Variants in GPR137C observed in about 807,000 individuals in gnomAD.
GPR137C encodes integral membrane protein GPR137C.
A neutral mutation model predicts 43.4 loss-of-function variants in GPR137C; 27 were observed. The observed-to-expected ratio is 0.62, with a 90% CI of 0.46 to 0.86. The LOEUF (loss-of-function observed/expected upper bound fraction) is 0.86, where lower values mean the gene tolerates loss of function less well. GPR137C is among the 40% of genes least tolerant of loss of function. GPR137C has a pLI of 0.00. For missense variants in GPR137C, 522 were observed against 534.6 expected (o/e 0.98, Z 0.23); for synonymous variants, 285 against 226.9 (o/e 1.26, Z -2.30).
chr14:52,616,571 G>A (rs1166322576), intron 3 of GPR137C, among the ~76,000 whole-genome samples: 2 of 152,150 alleles, frequency 1.3e-5, no homozygotes, highest in East Asian at 3.9e-4. Context: ...TGCAGTTACA[G>A]GCGTGAGGCA....
At chr14:52,553,614 C>G in intron 1 of GPR137C, 23 bp downstream of exon 1, 1 of 1,502,312 alleles carries the variant, frequency 6.7e-7, no homozygotes, top group Non-Finnish European at 8.9e-7. Flanking sequence ...GGCCGGCATG[C>G]GGGGCCCGGG....
chr14:52,568,929 A>G (rs530790384), intron 1 of GPR137C, among the ~76,000 whole-genome samples: 64 of 152,340 alleles, frequency 4.2e-4, no homozygotes, highest in Admixed American at 1.2e-3. Flanking sequence ...CTCCCAGCAC[A>G]GCGCTTGAGC....
intron 3 of GPR137C, among the ~76,000 whole-genome samples, chr14:52,603,458 A>G (rs1180379023): frequency 6.6e-6 from 1 of 152,036 alleles, no homozygotes; most frequent in Admixed American, 6.6e-5. Flanking sequence ...TTGGATATCT[A>G]CCCAGCAGTG....
chr14:52,563,269 T>G (rs907109719), intron 1 of GPR137C, among the ~76,000 whole-genome samples: 1 of 152,184 alleles, frequency 6.6e-6, no homozygotes, highest in Non-Finnish European at 1.5e-5. Flanking sequence ...CACTTAAACC[T>G]AGATCCCCTC....
intron 3 of GPR137C, among the ~76,000 whole-genome samples, chr14:52,602,968 GTTCT>G (rs2038944024): frequency 6.6e-6 from 1 of 152,086 alleles, no homozygotes; most frequent in Admixed American, 6.6e-5. Flanking sequence ...GAACATTACA[GTTCT>G]TTCTAGTTAT....
chr14:52,601,478 A>ATGTG (rs149787520), intron 3 of GPR137C, among the ~76,000 whole-genome samples: 95 of 148,420 alleles, frequency 6.4e-4, no homozygotes, highest in African/African-American at 1.5e-3. Flanking sequence ...GGGAGATATT[A>ATGTG]TGTGTGTGTG....
chr14:52,591,315 G>A (rs1192692817), intron 1 of GPR137C, among the ~76,000 whole-genome samples: 1 of 152,130 alleles, frequency 6.6e-6, no homozygotes, highest in Non-Finnish European at 1.5e-5. Context: ...CTTTATAGTA[G>A]CATGGTTTAT....
intron 1 of GPR137C, among the ~76,000 whole-genome samples, chr14:52,587,979 A>G (rs1318888979): frequency 2.0e-5 from 3 of 152,210 alleles, no homozygotes; most frequent in Non-Finnish European, 4.4e-5. Context: ...GGTAAGAATC[A>G]TTGGTAGATA....
intron 3 of GPR137C, chr14:52,612,661 A>G (rs2039050728): frequency 3.8e-6 from 1 of 263,658 alleles, no homozygotes; most frequent in South Asian, 1.4e-4. Flanking sequence ...TCCTGGGCTT[A>G]TGTAATTCTC....
chr14:52,573,087 T>G (rs2038496705), intron 1 of GPR137C, among the ~76,000 whole-genome samples: 1 of 152,074 alleles, frequency 6.6e-6, no homozygotes, highest in African/African-American at 2.4e-5. Context: ...TGCAAACAAA[T>G]GGAAAAACAT....
chr14:52,574,418 G>A (rs2038519460), intron 1 of GPR137C, among the ~76,000 whole-genome samples: 1 of 152,132 alleles, frequency 6.6e-6, no homozygotes, highest in African/African-American at 2.4e-5. Context: ...GTCCTTTGCA[G>A]GGACATGGAT....
At chr14:52,581,399 G>A (rs1331377690) in intron 1 of GPR137C, among the ~76,000 whole-genome samples, 1 of 151,002 alleles carries the variant, frequency 6.6e-6, no homozygotes, top group African/African-American at 2.4e-5. Context: ...AGCTGGGCAT[G>A]GTGATGCACG....
intron 1 of GPR137C, among the ~76,000 whole-genome samples, chr14:52,567,960 G>C (rs1566603927): frequency 6.6e-6 from 1 of 152,074 alleles, no homozygotes; most frequent in Non-Finnish European, 1.5e-5. Context: ...GCCTGGCTGA[G>C]ATTGTTCTTA....
At chr14:52,560,368 T>A (rs548658310) in intron 1 of GPR137C, among the ~76,000 whole-genome samples, 1 of 152,340 alleles carries the variant, frequency 6.6e-6, no homozygotes, top group South Asian at 2.1e-4. Flanking sequence ...ATGCAATTCC[T>A]ATTAAAATTT....
chr14:52,597,481 C>A (rs112451422), intron 1 of GPR137C, among the ~76,000 whole-genome samples: 14 of 152,202 alleles, frequency 9.2e-5, no homozygotes, highest in Non-Finnish European at 1.6e-4. Context: ...ACTTCATACT[C>A]TACTTCAATA....
At chr14:52,568,841 G>T (rs1002759459) in intron 1 of GPR137C, among the ~76,000 whole-genome samples, 2 of 152,248 alleles carry the variant, frequency 1.3e-5, no homozygotes, top group Admixed American at 6.5e-5. Context: ...CAGGGCACCT[G>T]GGGGAAGGGG....
At chr14:52,589,622 CCTT>C (rs2038756424) in intron 1 of GPR137C, among the ~76,000 whole-genome samples, 1 of 152,086 alleles carries the variant, frequency 6.6e-6, no homozygotes, top group Non-Finnish European at 1.5e-5. Flanking sequence ...ATTTTAGACT[CCTT>C]CATTACATTC....
At chr14:52,619,067 A>G (rs1008555415) in intron 3 of GPR137C, among the ~76,000 whole-genome samples, 7 of 152,168 alleles carry the variant, frequency 4.6e-5, no homozygotes, top group African/African-American at 1.4e-4. Flanking sequence ...TAATTACTGT[A>G]TAAACCTTTC....
At chr14:52,574,139 A>G (rs2038515130) in intron 1 of GPR137C, among the ~76,000 whole-genome samples, 1 of 149,114 alleles carries the variant, frequency 6.7e-6, no homozygotes, top group African/African-American at 2.5e-5. Flanking sequence ...AATTAGTTCA[A>G]CCATTGTGGA....
Sources: allele counts gnomAD v4.1 joint callset (sites outside exome capture counted in the v4.1 genomes callset), GRCh38; gene constraint gnomAD v4.1.1; transcripts MANE v1.5; gene names NCBI Gene and HGNC (gene_info 2026-07-23, HGNC 2026-07-21).